CSRP3: variants seen among roughly 807,000 people sequenced by gnomAD.
The protein encoded by CSRP3 is cysteine and glycine rich protein 3.
CSRP3 carries 24 observed loss-of-function variants against 24.3 expected under a neutral mutation model. The observed-to-expected ratio is 0.99, with a 90% confidence interval of 0.71 to 1.39. CSRP3 has a LOEUF of 1.39. CSRP3 is among the 40% of genes most tolerant of loss of function. CSRP3 has a pLI of 0.00. For synonymous variants in CSRP3, 105 were observed against 94.0 expected (o/e 1.12, Z -0.68); for missense variants, 240 against 249.0 (o/e 0.96, Z 0.24).
At chr11:19,195,486 T>A (rs912727427) in intron 1 of CSRP3, among the ~76,000 whole-genome samples, 2 of 152,174 alleles carry the variant, frequency 1.3e-5, no homozygotes, top group Admixed American at 1.3e-4. Flanking sequence ...AGTTTCAGCA[T>A]GATACAAAAT....
At position 19,182,843 on chromosome 11, in the gene CSRP3, A is replaced by C. The variant is rs970084794; in HGVS notation, c.509-97T>G. ...TGAGCACAGTCCTTTTAATTATTAG[A>C]GACATCCTTTTGATAGATTTATGCA... On this transcript the variant is annotated intron_variant, in intron 5 of 5. Transcript: ENST00000265968. The C allele has an allele frequency of 6.7e-6, 6 of 894,270 alleles. No individual in the cohort carries two copies. The Admixed American group carries it at 9.0e-5, about 13-fold the overall frequency. 55.4% of individuals were successfully genotyped at this position (894,270 alleles called of 1,614,324 possible).
intron 1 of CSRP3, among the ~76,000 whole-genome samples, chr11:19,196,031 G>A (rs938903642): frequency 6.6e-6 from 1 of 152,162 alleles, no homozygotes; most frequent in East Asian, 1.9e-4. Context: ...GACTGAGGCC[G>A]AGGCGAATGG....
chr11:19,197,524 T>TTTCTTTCTTTCTTTC (rs1850752932), intron 1 of CSRP3, among the ~76,000 whole-genome samples: 1 of 126,704 alleles, frequency 7.9e-6, no homozygotes, highest in Admixed American at 8.1e-5. Flanking sequence ...TCTTTCTTTC[T>TTTCTTTCTTTCTTTC]TTCTTTCTTT....
At chr11:19,189,890 T>C (rs1850588096) in intron 2 of CSRP3, among the ~76,000 whole-genome samples, 1 of 152,228 alleles carries the variant, frequency 6.6e-6, no homozygotes, top group Non-Finnish European at 1.5e-5. Context: ...GAATGCCTTA[T>C]ATTGAGACAT....
chr11:19,195,691 CTG>C (rs35333621), intron 1 of CSRP3, among the ~76,000 whole-genome samples: 110,139 of 150,392 alleles, frequency 0.73, 40,304 homozygotes, highest in Admixed American at 0.83. Context: ...ACATATATAT[CTG>C]TGTGTGTGTG....
intron 2 of CSRP3, among the ~76,000 whole-genome samples, chr11:19,191,076 C>A (rs1850606141): frequency 6.6e-6 from 1 of 152,134 alleles, no homozygotes; most frequent in African/African-American, 2.4e-5. Context: ...ATCAAGACCC[C>A]CCAGTTTTCT....
At chr11:19,186,816 A>C (rs947664542) in intron 3 of CSRP3, among the ~76,000 whole-genome samples, 2 of 152,256 alleles carry the variant, frequency 1.3e-5, no homozygotes, top group African/African-American at 4.8e-5. Context: ...ACCACAGTCC[A>C]TGAGCTGATG....
At chr11:19,188,368 C>CA in intron 2 of CSRP3, 64 bp from the exon 3 acceptor site, 1 of 1,569,896 alleles carries the variant, frequency 6.4e-7, no homozygotes, top group Non-Finnish European at 8.7e-7. Context: ...TTTGCACTCC[C>CA]AATGCCATGC....
At chr11:19,183,173 A>AAT (rs1436237567) in intron 5 of CSRP3, among the ~76,000 whole-genome samples, 2 of 151,754 alleles carry the variant, frequency 1.3e-5, no homozygotes, top group East Asian at 3.9e-4. Context: ...TAAAAATAAT[A>AAT]AAAAGGTTTA....
chr11:19,195,114 TG>T (rs1210746097), intron 1 of CSRP3, among the ~76,000 whole-genome samples: 2 of 151,664 alleles, frequency 1.3e-5, no homozygotes, highest in Admixed American at 1.3e-4. Context: ...CACATTCAAA[TG>T]GGGGTTTGAA....
intron 1 of CSRP3, among the ~76,000 whole-genome samples, chr11:19,194,668 G>A (rs940308006): frequency 6.6e-6 from 1 of 152,154 alleles, no homozygotes; most frequent in African/African-American, 2.4e-5. Flanking sequence ...AAGTGACAGA[G>A]TGAGGCCCTG....
chr11:19,188,823 G>A lies in CSRP3; in HGVS notation c.113-519C>T, dbSNP rs867739554. ...TTGAGGCTAATTTTGGTCAAATTCTGGAAGCAGAGGAGGTGGGGAAGGGGG... is the reference window on the plus strand; with the variant it reads ...TTGAGGCTAATTTTGGTCAAATTCTAGAAGCAGAGGAGGTGGGGAAGGGGG... On this transcript the variant is annotated intron_variant, in intron 2 of 5. Coordinates refer to ENST00000265968, the MANE Select transcript of CSRP3 (RefSeq NM_003476.5). Among the ~76,000 whole-genome samples, 6 of 152,158 alleles carry A rather than the reference G, an allele frequency of 3.9e-5. No homozygotes were observed. In the Middle Eastern group the frequency reaches 0.02, roughly 518 times the overall value.
At chr11:19,199,643 G>C (rs1850803060) in intron 1 of CSRP3, among the ~76,000 whole-genome samples, 1 of 152,172 alleles carries the variant, frequency 6.6e-6, no homozygotes, top group Non-Finnish European at 1.5e-5. Context: ...TCTGAAAAAT[G>C]AGTTTTGCAT....
In CSRP3 at chr11:19,183,770, T is replaced by C. The variant is rs1850477653; in HGVS notation, c.509-1024A>G. Among the ~76,000 whole-genome samples the C allele has an allele frequency of 2.6e-5, 4 of 152,134 alleles. No homozygotes were observed. In the South Asian group the frequency reaches 8.3e-4, roughly 32 times the overall value. On this transcript the variant is annotated intron_variant, in intron 5 of 5. Coordinates refer to ENST00000265968, the MANE Select transcript of CSRP3 (RefSeq NM_003476.5). ...CATCCTGTGTCATCACAGGAAAAGC[T>C]TTGGCAGCTGATATGGTTTGGCTGT...
chr11:19,183,219 ACTTAT>A (rs1850468268), intron 5 of CSRP3, among the ~76,000 whole-genome samples: 1 of 152,162 alleles, frequency 6.6e-6, no homozygotes, highest in Non-Finnish European at 1.5e-5. Flanking sequence ...ATTTAACAAT[ACTTAT>A]CTTAGATCTG....
rs1565050709 is a variant in CSRP3 at position 19,186,267 on chromosome 11, AG to A, written c.362del (p.Pro121LeufsTer87). 1 of 1,614,166 alleles carries A rather than the reference AG, an allele frequency of 6.2e-7. No homozygotes were observed. The highest frequency in any genetic ancestry group is 8.5e-7 in the Non-Finnish European group (1 of 1,180,028). Reference sequence around the variant, plus strand: ...CAGCATAGACTGACTTGCCACATCGAGGGCACTTCTCGGACTCTCCAAACTT... The same window carrying A: ...CAGCATAGACTGACTTGCCACATCGAGGCACTTCTCGGACTCTCCAAACTT... The part of the protein sequence containing the change: ...TAKFGESEKC[P>X]RCGKSVYAAE... On this transcript the variant is annotated frameshift_variant, in exon 4 of 6. Coordinates refer to ENST00000265968, the MANE Select transcript of CSRP3 (RefSeq NM_003476.5). LOFTEE classifies it high-confidence loss of function.
intron 2 of CSRP3, among the ~76,000 whole-genome samples, chr11:19,192,111 GC>G (rs1292031454): frequency 4.6e-5 from 7 of 152,064 alleles, no homozygotes; most frequent in Admixed American, 4.6e-4. Context: ...AAAATGAATG[GC>G]CTCTGAGCTG....
chr11:19,185,184 A>G, intron 4 of CSRP3, 139 bp from the exon 5 acceptor site: 1 of 721,280 alleles, frequency 1.4e-6, no homozygotes, highest in South Asian at 1.5e-5. Flanking sequence ...TAATTTCTCC[A>G]GGGGTTTGGA....
chr11:19,183,912 G>A (rs1362363871), intron 5 of CSRP3, among the ~76,000 whole-genome samples: 1 of 152,158 alleles, frequency 6.6e-6, no homozygotes, highest in South Asian at 2.1e-4. Context: ...TAAGCCTCAC[G>A]AGATCTGATG....
Sources: allele counts gnomAD v4.1 joint callset (sites outside exome capture counted in the v4.1 genomes callset), GRCh38; gene constraint gnomAD v4.1.1; transcripts MANE v1.5; gene names NCBI Gene and HGNC (gene_info 2026-07-23, HGNC 2026-07-21).